Variants in CHLSN observed in about 807,000 individuals in gnomAD.
The protein encoded by CHLSN is cholesin.
the CHLSN span, among the ~76,000 whole-genome samples, chr7:1,129,881 A>C: frequency 6.6e-6 from 1 of 152,228 alleles, no homozygotes; most frequent in African/African-American, 2.4e-5. Context: ...ACATTATCAT[A>C]ATTTCCCAAA....
chr7:1,009,231 C>T, the CHLSN span, among the ~76,000 whole-genome samples: 2 of 152,188 alleles, frequency 1.3e-5, no homozygotes, highest in African/African-American at 2.4e-5. Flanking sequence ...ACACCCTGCC[C>T]CTCAGGGTGA....
At chr7:1,044,329 T>G in the CHLSN span, among the ~76,000 whole-genome samples, 1 of 152,240 alleles carries the variant, frequency 6.6e-6, no homozygotes, top group South Asian at 2.1e-4. Context: ...GTGTGTGTCC[T>G]CCCACAGGGA....
chr7:1,046,122 T>C, the CHLSN span, among the ~76,000 whole-genome samples: 1 of 152,216 alleles, frequency 6.6e-6, no homozygotes, highest in African/African-American at 2.4e-5. Flanking sequence ...GATCGCTGCA[T>C]GGGGAAATAT....
chr7:1,119,445 G>C, the CHLSN span, among the ~76,000 whole-genome samples: 1 of 152,300 alleles, frequency 6.6e-6, no homozygotes, highest in East Asian at 1.9e-4. Context: ...GAAATCTTAA[G>C]CGCCTCAAAG....
chr7:1,018,513 C>A, the CHLSN span, among the ~76,000 whole-genome samples: 1 of 151,930 alleles, frequency 6.6e-6, no homozygotes, highest in Non-Finnish European at 1.5e-5. Flanking sequence ...CCAGCCTGTG[C>A]CTCTCGGAGG....
At chr7:1,092,094 G>A in the CHLSN span, 3 of 1,613,852 alleles carry the variant, frequency 1.9e-6, no homozygotes, top group Non-Finnish European at 2.5e-6. Flanking sequence ...TGCACGAGCG[G>A]TACTACGACA....
At chr7:1,064,135 C>A in the CHLSN span, among the ~76,000 whole-genome samples, 2 of 152,234 alleles carry the variant, frequency 1.3e-5, no homozygotes, top group African/African-American at 4.8e-5. Context: ...CATATGCAAG[C>A]ACGCATGCAC....
chr7:1,100,675 G>A, the CHLSN span, among the ~76,000 whole-genome samples: 1 of 152,128 alleles, frequency 6.6e-6, no homozygotes, highest in East Asian at 1.9e-4. Flanking sequence ...AGTGGGGGCT[G>A]GGGGAGGGGC....
chr7:1,049,804 T>C, the CHLSN span, among the ~76,000 whole-genome samples: 3 of 152,200 alleles, frequency 2.0e-5, no homozygotes, highest in African/African-American at 7.2e-5. Context: ...TTCGGTCAAA[T>C]TTTGGGCACC....
chr7:1,015,255 T>C, the CHLSN span, among the ~76,000 whole-genome samples: 1 of 152,066 alleles, frequency 6.6e-6, no homozygotes. Flanking sequence ...GTGGCCTCCC[T>C]GTCCCTGAGG....
the CHLSN span, among the ~76,000 whole-genome samples, chr7:1,110,293 G>C: frequency 1.3e-5 from 2 of 152,226 alleles, no homozygotes; most frequent in Non-Finnish European, 2.9e-5. Flanking sequence ...AATCCGCTGT[G>C]AAAATCAGGG....
the CHLSN span, chr7:1,138,081 C>T: frequency 1.3e-5 from 2 of 150,366 alleles, no homozygotes; most frequent in East Asian, 3.9e-4. Flanking sequence ...GCCGGGCCTC[C>T]GCGCACCCAC....
the CHLSN span, among the ~76,000 whole-genome samples, chr7:1,120,754 G>C: frequency 4.3e-4 from 65 of 152,354 alleles, no homozygotes; most frequent in African/African-American, 1.3e-3. Context: ...AAACGGGTGA[G>C]AGAATCTGTG....
chr7:1,115,603 G>A, the CHLSN span, among the ~76,000 whole-genome samples: 44 of 121,560 alleles, frequency 3.6e-4, 4 homozygotes, highest in African/African-American at 1.2e-3. Flanking sequence ...CATCACTACA[G>A]CTCTAGGGAT....
the CHLSN span, chr7:1,076,033 A>T: frequency 6.6e-6 from 1 of 152,422 alleles, no homozygotes; most frequent in Admixed American, 6.5e-5. Flanking sequence ...CCACCAAGCC[A>T]GGACAGGCCC....
the CHLSN span, among the ~76,000 whole-genome samples, chr7:1,090,056 C>T: frequency 1.1e-3 from 163 of 151,576 alleles, no homozygotes; most frequent in African/African-American, 3.7e-3. Flanking sequence ...TGCACTCCAA[C>T]CTGGGTGACC....
chr7:1,072,318 G>T, the CHLSN span, among the ~76,000 whole-genome samples: 2 of 152,180 alleles, frequency 1.3e-5, no homozygotes, highest in Non-Finnish European at 2.9e-5. Flanking sequence ...TCCAAAGCAC[G>T]CACGACTGCA....
chr7:1,048,023 G>A, the CHLSN span, among the ~76,000 whole-genome samples: 4 of 115,500 alleles, frequency 3.5e-5, no homozygotes, highest in South Asian at 2.6e-4. Flanking sequence ...ATGGATGTGC[G>A]GACAGGCTTA....
the CHLSN span, among the ~76,000 whole-genome samples, chr7:1,096,849 A>C: frequency 3.3e-5 from 5 of 152,150 alleles, no homozygotes; most frequent in Non-Finnish European, 7.4e-5. This position sits in a 1 kb window ranked among gnomAD's most constrained non-coding sequence, Gnocchi z 4.6. Context: ...ACTAATGCTC[A>C]CGCGCCCACT....
Sources: gnomAD v4.1 joint callset for allele counts (sites outside exome capture counted in the v4.1 genomes callset) on GRCh38, gnomAD v4.1.1 for gene constraint, Gnocchi (gnomAD v3.1) non-coding constraint, MANE v1.5 for transcripts, NCBI Gene and HGNC (gene_info 2026-07-23, HGNC 2026-07-21) for gene names.